The following BATF3 variants were observed in gnomAD, a reference collection of about 807,000 sequenced individuals.
BATF3 encodes basic leucine zipper transcriptional factor ATF-like 3.
A neutral mutation model predicts 16.1 loss-of-function variants in BATF3; 8 were observed. The observed-to-expected ratio is 0.50, with a 90% CI of 0.29 to 0.90. BATF3 has a LOEUF of 0.90. BATF3 is among the 40% of genes least tolerant of loss of function. BATF3 has a pLI of 0.08. For missense variants in BATF3, 139 were observed against 167.0 expected (o/e 0.83, Z 0.92); for synonymous variants, 74 against 72.7 (o/e 1.02, Z -0.09).
At chr1:212,693,453 A>G (rs149085779) in intron 2 of BATF3, among the ~76,000 whole-genome samples, 1 of 152,304 alleles carries the variant, frequency 6.6e-6, no homozygotes, top group African/African-American at 2.4e-5. Context: ...GTGATTCTCA[A>G]TAAAGCTGGT....
At chr1:212,692,818 T>G (rs1269777947) in intron 2 of BATF3, among the ~76,000 whole-genome samples, 1 of 152,236 alleles carries the variant, frequency 6.6e-6, no homozygotes, top group African/African-American at 2.4e-5. Flanking sequence ...GAGCTTGAGT[T>G]ACTTTGAGAT....
At chr1:212,688,972 T>C (rs1024208302) in intron 2 of BATF3, among the ~76,000 whole-genome samples, 1 of 152,200 alleles carries the variant, frequency 6.6e-6, no homozygotes, top group Admixed American at 6.5e-5. Flanking sequence ...GCCCCTTTGC[T>C]CTTGCAGTTA....
chr1:212,687,946 GAAGA>G (rs1656886652), intron 2 of BATF3, among the ~76,000 whole-genome samples: 1 of 76,138 alleles, frequency 1.3e-5, no homozygotes. Context: ...AAAAGAGGAA[GAAGA>G]AAGAGAGAAA....
rs191355397 is a variant in BATF3 at position 212,699,078 on chromosome 1, G to T, written c.90+595C>A. ...GGCCAAGACCCAGGCAAAGTTTCCA[G>T]ACGGCCGTCCCTGTGGCCAACCTGG... On this transcript the variant is annotated intron_variant, in intron 1 of 2. Coordinates refer to ENST00000243440, the MANE Select transcript of BATF3 (RefSeq NM_018664.3). The surrounding 1 kb of genome is among the most constrained non-coding windows in gnomAD (Gnocchi z 4.4). Among the ~76,000 whole-genome samples the T allele has an allele frequency of 6.6e-6, 1 of 152,264 alleles. No individual in the cohort carries two copies. The highest frequency in any genetic ancestry group is 1.5e-5 in the Non-Finnish European group (1 of 68,044).
At chr1:212,693,817 T>C (rs550017891) in intron 2 of BATF3, among the ~76,000 whole-genome samples, 1 of 152,356 alleles carries the variant, frequency 6.6e-6, no homozygotes, top group South Asian at 2.1e-4. Context: ...TTTGATATTG[T>C]AGTAAAATTC....
chr1:212,695,449 A>G (rs1439355766), intron 2 of BATF3, among the ~76,000 whole-genome samples: 1 of 136,576 alleles, frequency 7.3e-6, no homozygotes, highest in Non-Finnish European at 1.5e-5. Context: ...AGCTGAGATC[A>G]TGCCACTGCA....
At position 212,699,777 on chromosome 1, in the gene BATF3, T is replaced by TGGCCC. The variant is rs946970993; in HGVS notation, c.-20_-16dup. 5.8e-6 allele frequency: 7 copies of TGGCCC among 1,214,362 alleles called. No homozygotes were observed. The highest frequency in any genetic ancestry group is 1.6e-5 in the African/African-American group (1 of 62,458). 75.2% of individuals were successfully genotyped at this position (1,214,362 alleles called of 1,614,324 possible). ...CCTTGCGACATGCCGGGCGCTCCTCTGGCCCGGCCCGCCCCGCCCCGCCCG... is the reference window on the plus strand; with the variant it reads ...CCTTGCGACATGCCGGGCGCTCCTCTGGCCCGGCCCGGCCCGCCCCGCCCCGCCCG... On this transcript the variant is annotated 5_prime_UTR_variant, in exon 1 of 3. Transcript: ENST00000243440. This position sits in a 1 kb window ranked among gnomAD's most constrained non-coding sequence, Gnocchi z 4.4.
intron 2 of BATF3, among the ~76,000 whole-genome samples, chr1:212,688,997 G>A (rs1358989014): frequency 2.0e-5 from 3 of 152,128 alleles, no homozygotes; most frequent in African/African-American, 7.2e-5. Context: ...CAACTGGACT[G>A]CCTTCCTCCT....
At chr1:212,693,932 T>C (rs2102402580) in intron 2 of BATF3, among the ~76,000 whole-genome samples, 1 of 152,338 alleles carries the variant, frequency 6.6e-6, no homozygotes, top group South Asian at 2.1e-4. Context: ...TCACCTTACA[T>C]AGCAAAAGGG....
intron 2 of BATF3, among the ~76,000 whole-genome samples, chr1:212,695,081 G>A (rs1481602508): frequency 6.6e-6 from 1 of 152,186 alleles, no homozygotes. Flanking sequence ...CATGGCAGGA[G>A]ACCTGGCACA....
chr1:212,686,758 G>A lies in BATF3; in HGVS notation c.*33C>T, dbSNP rs373813771. 1.3e-6 allele frequency: 2 copies of A among 1,590,458 alleles called. No individual in the cohort carries two copies. The highest frequency in any genetic ancestry group is 2.7e-5 in the African/African-American group (2 of 74,476). On this transcript the variant is annotated 3_prime_UTR_variant, in exon 3 of 3. Transcript: ENST00000243440. ...TCCTCCCAGGTATGAAAATGACCAAGGCTCCTTGCTGGGCAGAGGAGTGTC... is the reference window on the plus strand; with the variant it reads ...TCCTCCCAGGTATGAAAATGACCAAAGCTCCTTGCTGGGCAGAGGAGTGTC...
intron 1 of BATF3, chr1:212,698,787 A>T (rs968371441): frequency 7.2e-5 from 11 of 152,262 alleles, no homozygotes; most frequent in African/African-American, 2.7e-4. Flanking sequence ...AAAGTTAGAG[A>T]TAGTATTATG....
rs1218122525 is a variant in BATF3 at position 212,689,732 on chromosome 1, C to T, written c.196-2753G>A. 2.0e-5 allele frequency among the ~76,000 whole-genome samples: 3 copies of T among 151,938 alleles called. No individual in the cohort carries two copies. Among genetic ancestry groups the T allele is most frequent in the East Asian group, 3.9e-4 (2 of 5,172 alleles). ...ACTCACACACTCTCATACACATTCA[C>T]ACACTCTTACACACATACACATATA... On this transcript the variant is annotated intron_variant, in intron 2 of 2. Transcript: ENST00000243440. This position sits in a 1 kb window ranked among gnomAD's most constrained non-coding sequence, Gnocchi z 4.6.
In BATF3 at chr1:212,699,663, C is replaced by T. The variant is rs543469428; in HGVS notation, c.90+10G>A. 1.5e-6 allele frequency: 2 copies of T among 1,325,230 alleles called. No homozygotes were observed. Among genetic ancestry groups the T allele is most frequent in the Non-Finnish European group, 1.9e-6 (2 of 1,034,200 alleles). 82.1% of individuals were successfully genotyped at this position (1,325,230 alleles called of 1,614,324 possible). A position where few individuals can be genotyped will look rare whatever the true frequency, so the allele number is the denominator to read the frequency against. ...ACCCCACGGCCCTCCCTGAGCCTCT[C>T]GCCCTCTACCTGCTGCTGCGGCTGC... On this transcript the variant is annotated intron_variant, in intron 1 of 2. Transcript: ENST00000243440. The surrounding 1 kb of genome is among the most constrained non-coding windows in gnomAD (Gnocchi z 4.4).
intron 1 of BATF3, chr1:212,698,593 A>G (rs1223650157): frequency 8.1e-6 from 1 of 124,004 alleles, no homozygotes; most frequent in Non-Finnish European, 1.7e-5. Flanking sequence ...TTGCTACTTT[A>G]AAAAAAAATG....
chr1:212,688,662 C>T (rs1656921853), intron 2 of BATF3, among the ~76,000 whole-genome samples: 1 of 152,212 alleles, frequency 6.6e-6, no homozygotes, highest in African/African-American at 2.4e-5. Context: ...CACAGGTCTT[C>T]CTTTTCTTCA....
intron 2 of BATF3, chr1:212,687,531 C>T (rs186463048): frequency 8.9e-4 from 138 of 155,720 alleles, no homozygotes; most frequent in Middle Eastern, 3.4e-3. Flanking sequence ...AGAGAGGTCC[C>T]TTAGCCCAAT....
rs563478061 is a variant in BATF3 at position 212,696,872 on chromosome 1, C to T, written c.195+89G>A. On this transcript the variant is annotated intron_variant, in intron 2 of 2. Transcript: ENST00000243440. ...AATTAGATATGAGTGTTGCTGAAATCGTGATAAAGAGAACAGTCATCACCC... is the reference window on the plus strand; with the variant it reads ...AATTAGATATGAGTGTTGCTGAAATTGTGATAAAGAGAACAGTCATCACCC... 139 of 936,570 alleles carry T rather than the reference C, an allele frequency of 1.5e-4. No individual in the cohort carries two copies. The African/African-American group carries it at 2.1e-3, about 14-fold the overall frequency. 58.0% of individuals were successfully genotyped at this position (936,570 alleles called of 1,614,324 possible). A position where few individuals can be genotyped will look rare whatever the true frequency, so the allele number is the denominator to read the frequency against.
Position 212,699,561 on chromosome 1 carries a change from A to AC in BATF3, c.90+111dup. 1 of 864,598 alleles carries AC rather than the reference A, an allele frequency of 1.2e-6. No individual in the cohort carries two copies. Among genetic ancestry groups the AC allele is most frequent in the Non-Finnish European group, 1.5e-6 (1 of 657,148 alleles). The allele number at this position is 864,598 out of a possible 1,614,324, so 53.6% of individuals were successfully genotyped here. A position where few individuals can be genotyped will look rare whatever the true frequency, so the allele number is the denominator to read the frequency against. On this transcript the variant is annotated intron_variant, in intron 1 of 2. Transcript: ENST00000243440. The surrounding 1 kb of genome is among the most constrained non-coding windows in gnomAD (Gnocchi z 4.4). ...CTGCTTGTCTCCGGCCGCACCCGCCACCTCTGCACCTCCGCAGTCACCACC... is the reference window on the plus strand; with the variant it reads ...CTGCTTGTCTCCGGCCGCACCCGCCACCCTCTGCACCTCCGCAGTCACCACC...
Sources: allele counts gnomAD v4.1 joint callset (sites outside exome capture counted in the v4.1 genomes callset), GRCh38; gene constraint gnomAD v4.1.1; non-coding constraint Gnocchi (gnomAD v3.1); transcripts MANE v1.5; gene names NCBI Gene and HGNC (gene_info 2026-07-23, HGNC 2026-07-21).